The following HELZ variants were observed in gnomAD, a reference collection of about 807,000 sequenced individuals.
HELZ encodes the protein helicase with zinc finger.
HELZ carries 23 observed loss-of-function variants against 218.2 expected under a neutral mutation model. The observed-to-expected ratio is 0.11, with a 90% confidence interval of 0.08 to 0.15. The LOEUF (loss-of-function observed/expected upper bound fraction) is 0.15, where lower values mean the gene tolerates loss of function less well. HELZ is among the 10% of genes least tolerant of loss of function. The probability of loss-of-function intolerance (pLI) is 1.00; values close to 1 mark genes in which losing one functional copy is unlikely to be tolerated. For missense variants in HELZ, 1,813 were observed against 2,353.7 expected (o/e 0.77, Z 4.75); for synonymous variants, 814 against 829.4 (o/e 0.98, Z 0.32).
chr17:67,099,609 T>C (rs927181884), intron 31 of HELZ, among the ~76,000 whole-genome samples: 20 of 152,214 alleles, frequency 1.3e-4, no homozygotes, highest in African/African-American at 4.6e-4. Context: ...AAAACTCATG[T>C]ATAAATTTTT....
chr17:67,199,640 A>T (rs938747540), intron 7 of HELZ, among the ~76,000 whole-genome samples: 21 of 152,362 alleles, frequency 1.4e-4, no homozygotes, highest in African/African-American at 5.0e-4. Context: ...ATCAGGCAAC[A>T]TAAGACAAAG....
At chr17:67,116,760 T>C (rs2037439567) in intron 27 of HELZ, among the ~76,000 whole-genome samples, 1 of 152,180 alleles carries the variant, frequency 6.6e-6, no homozygotes, top group Non-Finnish European at 1.5e-5. Flanking sequence ...TATTGGGAGA[T>C]TTCAATACCC....
At chr17:67,225,119 ATTTGT>A (rs1159860236) in intron 3 of HELZ, 1 of 433,814 alleles carries the variant, frequency 2.3e-6, no homozygotes, top group Admixed American at 3.7e-5. Flanking sequence ...AGCCCAAAGC[ATTTGT>A]TTTAACAACT....
rs75679740 is a variant in HELZ at position 67,146,873 on chromosome 17, C to T, written c.2622-983G>A. On this transcript the variant is annotated intron_variant, in intron 20 of 32. Transcript: ENST00000358691. ...TCAGGGTAGTGACTGGAAAGGAGCACAAAGGGGCTTTTGGAGCACTGGTCA... is the reference window on the plus strand; with the variant it reads ...TCAGGGTAGTGACTGGAAAGGAGCATAAAGGGGCTTTTGGAGCACTGGTCA... Among the ~76,000 whole-genome samples the T allele has an allele frequency of 8.9e-4, 136 of 152,176 alleles. 2 individuals are homozygous for T. The East Asian group carries it at 0.023, about 26-fold the overall frequency.
intron 32 of HELZ, among the ~76,000 whole-genome samples, chr17:67,079,502 C>T (rs980522293): frequency 1.9e-4 from 29 of 152,190 alleles, no homozygotes; most frequent in African/African-American, 6.5e-4. Flanking sequence ...TAAATATTCA[C>T]GGCTCCTTCC....
At chr17:67,185,868 AGAG>A (rs1186407280) in intron 12 of HELZ, among the ~76,000 whole-genome samples, 9 of 152,260 alleles carry the variant, frequency 5.9e-5, no homozygotes, top group African/African-American at 2.2e-4. Context: ...TTATGAAAAA[AGAG>A]GAGGATATCC....
chr17:67,237,787 G>A (rs548441695), intron 3 of HELZ, among the ~76,000 whole-genome samples: 6 of 151,734 alleles, frequency 4.0e-5, no homozygotes, highest in African/African-American at 9.7e-5. Flanking sequence ...TCAGGAGTTC[G>A]AGACCAGCCT....
rs2038202703 is a variant in HELZ, at chr17:67,137,918, A to G, written c.2953+13T>C. On this transcript the variant is annotated intron_variant, in intron 22 of 32. Transcript: ENST00000358691. Reference sequence around the variant, plus strand: ...GCATTTGAATGACTGAATTCATTTCAATTGACACTTACCTTGAACATTTAG... The same window carrying G: ...GCATTTGAATGACTGAATTCATTTCGATTGACACTTACCTTGAACATTTAG... 1.3e-6 allele frequency: 2 copies of G among 1,574,708 alleles called. No individual in the cohort carries two copies. Among genetic ancestry groups the G allele is most frequent in the Non-Finnish European group, 1.7e-6 (2 of 1,154,086 alleles).
chr17:67,233,095 T>G (rs1441870617), intron 3 of HELZ, among the ~76,000 whole-genome samples: 1 of 152,158 alleles, frequency 6.6e-6, no homozygotes, highest in Non-Finnish European at 1.5e-5. Context: ...GATCGAGCCA[T>G]TGCACTCCAG....
At position 67,070,960 on chromosome 17, in the gene HELZ, A is replaced by G. The variant is rs537959786; in HGVS notation, c.*7292T>C. 9 of 152,292 alleles carry G rather than the reference A, an allele frequency of 5.9e-5. No homozygotes were observed. The South Asian group carries it at 1.9e-3, about 32-fold the overall frequency. The allele number at this position is 152,292 out of a possible 1,614,324, so 9.4% of individuals were successfully genotyped here. On this transcript the variant is annotated 3_prime_UTR_variant, in exon 33 of 33. Transcript: ENST00000358691. ...TATGAAGTTAGCTGAACAAGTTTAG[A>G]TAAGAACTATATGTATGAAGCATTA...
intron 3 of HELZ, among the ~76,000 whole-genome samples, chr17:67,220,419 T>C (rs1363805100): frequency 2.6e-5 from 4 of 152,206 alleles, no homozygotes; most frequent in African/African-American, 9.6e-5. Flanking sequence ...ATTTGTTCAA[T>C]ATTGGGGATT....
intron 13 of HELZ, among the ~76,000 whole-genome samples, chr17:67,175,322 G>A (rs2039424717): frequency 6.6e-6 from 1 of 152,060 alleles, no homozygotes; most frequent in African/African-American, 2.4e-5. Flanking sequence ...AAAAGTTACT[G>A]AGCCCTGCAC....
intron 7 of HELZ, among the ~76,000 whole-genome samples, chr17:67,198,684 G>C (rs923883717): frequency 6.6e-5 from 10 of 152,130 alleles, no homozygotes; most frequent in African/African-American, 2.2e-4. Flanking sequence ...TGAGTTCCAG[G>C]TCTTTATTCT....
At chr17:67,143,635 T>A (rs1340359768) in intron 21 of HELZ, among the ~76,000 whole-genome samples, 2 of 151,644 alleles carry the variant, frequency 1.3e-5, no homozygotes, top group Non-Finnish European at 2.9e-5. Context: ...AAAAAAAACA[T>A]ATCTTTGGTG....
intron 29 of HELZ, 90 bp downstream of exon 29, chr17:67,109,026 C>T (rs2037194833): frequency 9.1e-7 from 1 of 1,099,946 alleles, no homozygotes; most frequent in African/African-American, 1.6e-5. Context: ...TTTGAAGAAA[C>T]AATTCAATCT....
intron 1 of HELZ, chr17:67,244,170 T>C: frequency 4.7e-6 from 1 of 212,124 alleles, no homozygotes; most frequent in Non-Finnish European, 8.1e-6. Flanking sequence ...AGAGCAAAAT[T>C]AAGAACAAAC....
intron 13 of HELZ, 81 bp downstream of exon 13, chr17:67,178,578 A>T: frequency 8.6e-7 from 1 of 1,167,154 alleles, no homozygotes; most frequent in Non-Finnish European, 1.2e-6. Context: ...GTCTTCACTT[A>T]GGCACACTTT....
intron 31 of HELZ, among the ~76,000 whole-genome samples, chr17:67,106,753 A>G (rs1233689422): frequency 6.6e-6 from 1 of 152,372 alleles, no homozygotes; most frequent in East Asian, 1.9e-4. Flanking sequence ...GAGTGGCAGG[A>G]GAAGGAGCAC....
chr17:67,121,418 T>C (rs2037606277), intron 26 of HELZ, among the ~76,000 whole-genome samples: 1 of 152,210 alleles, frequency 6.6e-6, no homozygotes, highest in Non-Finnish European at 1.5e-5. Context: ...CTGGAAGAAA[T>C]AACTGCTAAA....
Sources: allele counts gnomAD v4.1 joint callset (sites outside exome capture counted in the v4.1 genomes callset), GRCh38; gene constraint gnomAD v4.1.1; transcripts MANE v1.5; gene names NCBI Gene and HGNC (gene_info 2026-07-23, HGNC 2026-07-21).